DST: variants seen among roughly 807,000 people sequenced by gnomAD.
DST encodes bullous pemphigoid antigen.
DST carries 253 observed loss-of-function variants against 875.2 expected under a neutral mutation model. The ratio of observed to expected loss-of-function variants is 0.29; its 90% CI spans 0.26 to 0.32. The LOEUF (loss-of-function observed/expected upper bound fraction) is 0.32. Among genes scored for constraint, DST ranks in the 10% least tolerant of loss-of-function variants. DST has a pLI of 1.00. For missense variants in DST, 8,287 were observed against 9,111.6 expected (o/e 0.91, Z 3.68); for synonymous variants, 3,124 against 3,197.1 (o/e 0.98, Z 0.77).
chr6:56,892,468 G>A (rs760239906), intron 3 of DST, among the ~76,000 whole-genome samples: 4 of 151,662 alleles, frequency 2.6e-5, no homozygotes, highest in Non-Finnish European at 4.4e-5. Flanking sequence ...GACTACAGGC[G>A]TGCACCACCA....
intron 66 of DST, 140 bp downstream of exon 66, chr6:56,529,308 G>C (rs1367483266): frequency 7.2e-6 from 5 of 693,550 alleles, no homozygotes; most frequent in Non-Finnish European, 6.5e-6. Context: ...TTCATTAAAA[G>C]TAATCTGTAT....
At chr6:56,719,314 T>A (rs2099406158) in intron 5 of DST, among the ~76,000 whole-genome samples, 1 of 152,228 alleles carries the variant, frequency 6.6e-6, no homozygotes, top group Admixed American at 6.5e-5. Context: ...GTTAAAGGAC[T>A]GATCATAATA....
chr6:56,871,872 A>G (rs1324078854), intron 3 of DST: 1 of 242,802 alleles, frequency 4.1e-6, no homozygotes, highest in Non-Finnish European at 8.0e-6. Context: ...AACAGATTGC[A>G]TGTATTCAAC....
intron 4 of DST, among the ~76,000 whole-genome samples, chr6:56,841,878 T>C (rs2099800480): frequency 6.6e-6 from 1 of 152,148 alleles, no homozygotes; most frequent in Non-Finnish European, 1.5e-5. Flanking sequence ...ACAAATGTGC[T>C]TTAGCCTAAA....
intron 4 of DST, among the ~76,000 whole-genome samples, chr6:56,833,847 C>T (rs1478664095): frequency 6.6e-6 from 1 of 151,900 alleles, no homozygotes; most frequent in Non-Finnish European, 1.5e-5. Flanking sequence ...GGTTACTGAT[C>T]ATTTGCAAAA....
rs368839824 is a variant in DST, at chr6:56,606,730, C to T, written c.7898G>A (p.Arg2633His). 14 of 1,613,316 alleles carry T rather than the reference C, an allele frequency of 8.7e-6. No homozygotes were observed. Among genetic ancestry groups the T allele is most frequent in the Admixed American group, 6.7e-5 (4 of 59,898 alleles). Reference protein sequence around the residue: ...HDSLLLDGDDRDCLHPEDYDT... With the variant: ...HDSLLLDGDDHDCLHPEDYDT... ...GTAGTCCTCAGGGTGCAGGCAATCA[C>T]GATCATCACCATCAAGAAGCAAAGA... Residue 2633 changes from arginine (R) to histidine (H), a missense_variant, in exon 40 of 104, where the codon CGT becomes CAT. By Grantham distance (29) the Arg-to-His change is conservative. Around this residue, in one of 10 missense-constraint regions of DST, gnomAD observed 3,138 missense variants for 3,116.6 expected, o/e 1.01. Coordinates refer to ENST00000680361, the MANE Select transcript of DST (RefSeq NM_001374736.1).
At chr6:56,574,147 T>A (rs2097825914) in intron 50 of DST, among the ~76,000 whole-genome samples, 1 of 139,698 alleles carries the variant, frequency 7.2e-6, no homozygotes, top group South Asian at 2.3e-4. Flanking sequence ...AAAAGAGATT[T>A]TTTTGGATGC....
intron 2 of DST, among the ~76,000 whole-genome samples, chr6:56,938,702 G>A (rs1814590596): frequency 6.6e-6 from 1 of 152,184 alleles, no homozygotes; most frequent in Admixed American, 6.5e-5. Context: ...TGTCAGCAGA[G>A]GCACTGTACA....
At chr6:56,576,854 T>G (rs1470930887) in intron 50 of DST, among the ~76,000 whole-genome samples, 1 of 152,184 alleles carries the variant, frequency 6.6e-6, no homozygotes, top group East Asian at 1.9e-4. Context: ...GCCTGTTCTC[T>G]GATTTCCAGC....
rs532616266 is a variant in DST, at chr6:56,782,973, C to T, written c.626-47684G>A. ...AACATCTTTATTACTGCCTTCATTT[C>T]GTTAGGTACCCAGTAGTCATTCAGG... On this transcript the variant is annotated intron_variant, in intron 4 of 103. Coordinates refer to ENST00000680361, the MANE Select transcript of DST (RefSeq NM_001374736.1). 1.1e-4 allele frequency among the ~76,000 whole-genome samples: 16 copies of T among 152,242 alleles called. No homozygotes were observed. In the South Asian group the frequency reaches 2.9e-3, roughly 28 times the overall value.
At chr6:56,591,175 A>G (rs1455918324) in intron 49 of DST, among the ~76,000 whole-genome samples, 1 of 152,268 alleles carries the variant, frequency 6.6e-6, no homozygotes, top group East Asian at 1.9e-4. Context: ...TTACTTTAGA[A>G]TTTTAAAATA....
chr6:56,605,815 C>A lies in DST; in HGVS notation c.8813G>T (p.Ser2938Ile), dbSNP rs374147005. The change falls in exon 40 of 104, where the codon AGT becomes ATT. Residue 2938 changes from serine (S) to isoleucine (I), a missense_variant. Physicochemically the swap from Ser to Ile is moderately radical, Grantham distance 142. Coordinates refer to ENST00000680361, the MANE Select transcript of DST (RefSeq NM_001374736.1). ...TESEKTFGPA[S>I]ISHDNNNISS... is the part of the protein sequence containing the mutation. Reference sequence around the variant, plus strand: ...GATATTATTATTATCATGTGAAATACTTGCAGGGCCAAAAGTTTTTTCAGA... The same window carrying A: ...GATATTATTATTATCATGTGAAATAATTGCAGGGCCAAAAGTTTTTTCAGA... The A allele has an allele frequency of 6.2e-7, 1 of 1,612,390 alleles. No individual in the cohort carries two copies. Among genetic ancestry groups the A allele is most frequent in the Non-Finnish European group, 8.5e-7 (1 of 1,179,178 alleles).
rs1320145896 is a variant in DST at position 56,594,257 on chromosome 6, C to T, written c.12196-64G>A. 5.2e-6 allele frequency: 7 copies of T among 1,357,770 alleles called. No homozygotes were observed. The East Asian group carries it at 1.4e-4, about 27-fold the overall frequency. The allele number at this position is 1,357,770 out of a possible 1,614,324, so 84.1% of individuals were successfully genotyped here. A position where few individuals can be genotyped will look rare whatever the true frequency, so the allele number is the denominator to read the frequency against. ...ACGGGGTAACACCTGCAGGGAGCTC[C>T]TTGCCGCCTCAAGACTGACAGGTTT... On this transcript the variant is annotated intron_variant, in intron 47 of 103. Transcript: ENST00000680361.
intron 3 of DST, among the ~76,000 whole-genome samples, chr6:56,897,120 T>C (rs1230467019): frequency 4.6e-5 from 7 of 152,166 alleles, no homozygotes; most frequent in Non-Finnish European, 8.8e-5. Flanking sequence ...GTCCTTAATC[T>C]ATCTTGAGTT....
At position 56,639,587 on chromosome 6, in the gene DST, GC is replaced by G; in HGVS notation, c.2721del (p.His908ThrfsTer9). 6.2e-7 allele frequency: 1 copy of G among 1,613,648 alleles called. No individual in the cohort carries two copies. The highest frequency in any genetic ancestry group is 8.5e-7 in the Non-Finnish European group (1 of 1,179,862). ...ACAAAATTATGGAGTGTATCAAGGT[GC>G]CGTTCTTGATTCCTGGATGTATTCT... ...KLLNTSRNQE[R>X]HLDTLHNFVS... On this transcript the variant is annotated frameshift_variant, in exon 21 of 104. Transcript: ENST00000680361. LOFTEE classifies it high-confidence loss of function.
chr6:56,770,556 G>T (rs1163123676), intron 4 of DST, among the ~76,000 whole-genome samples: 3 of 152,166 alleles, frequency 2.0e-5, no homozygotes, highest in Admixed American at 6.5e-5. Flanking sequence ...GTTCACTACT[G>T]GATAAACTAA....
At chr6:56,815,886 T>C (rs1237194783) in intron 4 of DST, among the ~76,000 whole-genome samples, 1 of 152,290 alleles carries the variant, frequency 6.6e-6, no homozygotes, top group Non-Finnish European at 1.5e-5. Flanking sequence ...TTTGCTAGCA[T>C]CTAAATAGAC....
intron 10 of DST, among the ~76,000 whole-genome samples, chr6:56,667,349 T>C (rs960650815): frequency 2.6e-5 from 4 of 152,244 alleles, no homozygotes; most frequent in Admixed American, 6.5e-5. Context: ...ATACACACAA[T>C]TCAACTCTCT....
chr6:56,477,238 G>A, intron 91 of DST, 107 bp downstream of exon 91: 1 of 1,198,184 alleles, frequency 8.3e-7, no homozygotes, highest in Non-Finnish European at 1.1e-6. Flanking sequence ...TCTATGTAGA[G>A]GTCTCATTTT....
Sources: gnomAD v4.1 joint callset for allele counts (sites outside exome capture counted in the v4.1 genomes callset) on GRCh38, gnomAD v4.1.1 for gene constraint, gnomAD v4.1.1 regional missense constraint, MANE v1.5 for transcripts, NCBI Gene and HGNC (gene_info 2026-07-23, HGNC 2026-07-21) for gene names.